Variants in EYS observed in about 807,000 individuals in gnomAD.
EYS encodes the protein protein eyes shut homolog.
EYS carries 250 observed loss-of-function variants against 282.1 expected under a neutral mutation model. That is an observed-to-expected ratio of 0.89 (90% confidence interval 0.80 to 0.98). The LOEUF is 0.98. EYS is among the 50% of genes least tolerant of loss of function. The pLI, the probability that EYS is intolerant of heterozygous loss-of-function variation, is 0.00. For synonymous variants in EYS, 1,355 were observed against 1,282.9 expected (o/e 1.06, Z -1.20); for missense variants, 4,016 against 3,709.0 (o/e 1.08, Z -2.15).
At chr6:63,896,217 C>T (rs1244443165) in intron 35 of EYS, among the ~76,000 whole-genome samples, 1 of 152,174 alleles carries the variant, frequency 6.6e-6, no homozygotes, top group African/African-American at 2.4e-5. Flanking sequence ...CTGGATCTAT[C>T]TCTTGAGTAC....
intron 22 of EYS, among the ~76,000 whole-genome samples, chr6:64,791,169 C>CTAAA (rs1774179806): frequency 1.3e-5 from 2 of 151,818 alleles, no homozygotes; most frequent in Non-Finnish European, 3.0e-5. Context: ...ATATCCAATC[C>CTAAA]ATTTTAGCCT....
chr6:64,492,138 A>G (rs2150506405), intron 26 of EYS, among the ~76,000 whole-genome samples: 1 of 151,334 alleles, frequency 6.6e-6, no homozygotes, highest in Admixed American at 6.6e-5. Context: ...TCAATAATAA[A>G]TCAATTTATT....
At chr6:65,660,392 T>C (rs1223065935) in intron 1 of EYS, among the ~76,000 whole-genome samples, 1 of 151,772 alleles carries the variant, frequency 6.6e-6, no homozygotes, top group African/African-American at 2.4e-5. Context: ...ATAAATGAAA[T>C]ATGATGAGGG....
intron 31 of EYS, among the ~76,000 whole-genome samples, chr6:64,123,756 C>T (rs777911268): frequency 3.2e-4 from 49 of 152,212 alleles, no homozygotes; most frequent in Non-Finnish European, 6.2e-4. Context: ...AAACAAACAA[C>T]GAGATATAAA....
rs1582208401 is a variant in EYS, at chr6:63,788,880, C to T, written c.7578+178G>A. On this transcript the variant is annotated intron_variant, in intron 38 of 42. Transcript: ENST00000503581. ...ACCCTTATCTGTGTTAGTAATCCCT[C>T]TTATTTGTTCTCACACCACTTAATT... 2.0e-5 allele frequency among the ~76,000 whole-genome samples: 3 copies of T among 152,314 alleles called. No homozygotes were observed. The East Asian group carries it at 5.8e-4, about 29-fold the overall frequency.
At chr6:65,591,807 T>G (rs1765244348) in intron 2 of EYS, among the ~76,000 whole-genome samples, 1 of 152,000 alleles carries the variant, frequency 6.6e-6, no homozygotes, top group Non-Finnish European at 1.5e-5. Flanking sequence ...TAATTTGCAT[T>G]CTTAACTCTT....
rs539552132 is a variant in EYS at position 63,883,659 on chromosome 6, C to T, written c.7056-19301G>A. 2.0e-5 allele frequency among the ~76,000 whole-genome samples: 3 copies of T among 152,360 alleles called. No individual in the cohort carries two copies. In the South Asian group the frequency reaches 6.2e-4, roughly 32 times the overall value. ...CCTGTCCCGAGTCTTTCCCTTGCTC[C>T]TTGGGACTGCCTCCAATAAATTGCT... On this transcript the variant is annotated intron_variant, in intron 35 of 42. Transcript: ENST00000503581.
intron 12 of EYS, among the ~76,000 whole-genome samples, chr6:65,197,466 T>C (rs1278155925): frequency 1.3e-5 from 2 of 152,006 alleles, no homozygotes; most frequent in Admixed American, 1.3e-4. Context: ...AGAAAGGTGG[T>C]CAGTGGTTTT....
At chr6:63,965,917 A>C (rs1766287161) in intron 35 of EYS, among the ~76,000 whole-genome samples, 1 of 152,204 alleles carries the variant, frequency 6.6e-6, no homozygotes, top group South Asian at 2.1e-4. Flanking sequence ...TGAACCGCAG[A>C]ATTCAAACGG....
intron 31 of EYS, among the ~76,000 whole-genome samples, chr6:64,181,695 TA>T (rs1437891724): frequency 6.6e-6 from 1 of 152,018 alleles, no homozygotes; most frequent in Non-Finnish European, 1.5e-5. Context: ...CCCAGTCCAC[TA>T]AAAAACGTGT....
intron 22 of EYS, among the ~76,000 whole-genome samples, chr6:64,689,570 C>T (rs1327442037): frequency 6.6e-6 from 1 of 152,146 alleles, no homozygotes; most frequent in African/African-American, 2.4e-5. Flanking sequence ...TACCTGACTT[C>T]ACACTATACT....
At chr6:64,524,925 A>G (rs1777870628) in intron 26 of EYS, among the ~76,000 whole-genome samples, 1 of 151,872 alleles carries the variant, frequency 6.6e-6, no homozygotes, top group South Asian at 2.1e-4. Flanking sequence ...ATATGAAGAA[A>G]AACTCAATAC....
At chr6:64,279,699 G>T (rs951682811) in intron 30 of EYS, among the ~76,000 whole-genome samples, 1 of 152,130 alleles carries the variant, frequency 6.6e-6, no homozygotes, top group Non-Finnish European at 1.5e-5. Flanking sequence ...AAGTATTTAT[G>T]TCCTGTAGTA....
At chr6:65,696,638 A>G (rs1205034218) in intron 1 of EYS, among the ~76,000 whole-genome samples, 1 of 152,012 alleles carries the variant, frequency 6.6e-6, no homozygotes, top group East Asian at 1.9e-4. Flanking sequence ...ATTATATAAC[A>G]ATACATAAAA....
intron 5 of EYS, among the ~76,000 whole-genome samples, chr6:65,406,331 C>A (rs1197752166): frequency 6.6e-6 from 1 of 151,908 alleles, no homozygotes; most frequent in Non-Finnish European, 1.5e-5. Context: ...AATAAAAGTC[C>A]TTTATGATAT....
At chr6:65,526,880 G>A (rs75931851) in intron 2 of EYS, among the ~76,000 whole-genome samples, 5,324 of 152,214 alleles carry the variant, frequency 0.035, 240 homozygotes, top group African/African-American at 0.1. Flanking sequence ...ACTGCATAAA[G>A]TCCAGGTGGC....
chr6:64,198,154 G>A (rs1300346127), intron 31 of EYS, among the ~76,000 whole-genome samples: 3 of 144,954 alleles, frequency 2.1e-5, no homozygotes, highest in Non-Finnish European at 3.0e-5. Context: ...CACCACGGCC[G>A]GCCCGGCTAA....
At chr6:65,411,368 A>T (rs768539612) in intron 5 of EYS, among the ~76,000 whole-genome samples, 3 of 152,076 alleles carry the variant, frequency 2.0e-5, no homozygotes, top group Non-Finnish European at 2.9e-5. Context: ...GAAATGTGTG[A>T]TTTTTCACAT....
intron 29 of EYS, among the ~76,000 whole-genome samples, chr6:64,347,719 G>A (rs574094216): frequency 6.6e-6 from 1 of 151,394 alleles, no homozygotes; most frequent in African/African-American, 2.4e-5. Context: ...AAATGCCCTA[G>A]TTTTTCAAAA....
Sources: gnomAD v4.1 joint callset for allele counts (sites outside exome capture counted in the v4.1 genomes callset) on GRCh38, gnomAD v4.1.1 for gene constraint, MANE v1.5 for transcripts, NCBI Gene and HGNC (gene_info 2026-07-23, HGNC 2026-07-21) for gene names.